ACYP2: variants seen among roughly 807,000 people sequenced by gnomAD.
The protein encoded by ACYP2 is acylphosphatase-2.
In ACYP2, 12 loss-of-function variants were observed where a neutral mutation model predicts 11.2. The ratio of observed to expected loss-of-function variants is 1.08; its 90% CI spans 0.69 to 1.74. The LOEUF (loss-of-function observed/expected upper bound fraction) is 1.74. Among genes scored for constraint, ACYP2 ranks in the 40% most tolerant of loss-of-function variants. ACYP2 has a pLI of 0.00. For missense variants in ACYP2, 134 were observed against 101.9 expected (o/e 1.31, Z -1.35); for synonymous variants, 43 against 32.2 (o/e 1.33, Z -1.13).
chr2:54,262,530 T>C (rs993715739), intron 6 of ACYP2, among the ~76,000 whole-genome samples: 7 of 152,158 alleles, frequency 4.6e-5, no homozygotes, highest in African/African-American at 1.2e-4. Context: ...TCATGGAAAA[T>C]TGAAAATGAA....
chr2:54,196,003 G>C (rs2103896642), intron 6 of ACYP2, among the ~76,000 whole-genome samples: 1 of 151,828 alleles, frequency 6.6e-6, no homozygotes, highest in East Asian at 1.9e-4. Context: ...TCAACATGTT[G>C]GTCAGGCTGG....
At chr2:54,017,005 G>A (rs555690758) in intron 2 of ACYP2, among the ~76,000 whole-genome samples, 2 of 149,616 alleles carry the variant, frequency 1.3e-5, no homozygotes, top group South Asian at 4.2e-4. Flanking sequence ...GATTACAGGC[G>A]TGAGCCTCCG....
chr2:54,285,205 C>T (rs1241089308), intron 6 of ACYP2, among the ~76,000 whole-genome samples: 1 of 152,140 alleles, frequency 6.6e-6, no homozygotes, highest in Non-Finnish European at 1.5e-5. Flanking sequence ...CTCACAAAGG[C>T]CCTATCTCTT....
chr2:54,058,015 G>A (rs965512107), intron 4 of ACYP2, among the ~76,000 whole-genome samples: 3 of 152,162 alleles, frequency 2.0e-5, no homozygotes, highest in Non-Finnish European at 2.9e-5. Context: ...TAGAAAATAG[G>A]AGAAAATATT....
At position 54,115,629 on chromosome 2, in the gene ACYP2, T is replaced by C. The variant is rs1161123980; in HGVS notation, c.278-19824T>C. On this transcript the variant is annotated intron_variant, in intron 4 of 6. Transcript: ENST00000607452. ...CAAGCAGTCCCATGTGTCCCCTCCC[T>C]CTCGCAGCCGCCGCAGTCGCTGCGC... 7.0e-6 allele frequency: 11 copies of C among 1,571,012 alleles called. No individual in the cohort carries two copies. In the South Asian group the frequency reaches 1.2e-4, roughly 17 times the overall value.
rs540468818 is a variant in ACYP2 at position 54,087,694 on chromosome 2, G to GC, written c.277+30339dup. On this transcript the variant is annotated intron_variant, in intron 4 of 6. Transcript: ENST00000607452. ...TGCTATTATCTCCTTCTTCATTATT[G>GC]CCCCCAACTTTTCCTTAAAAGTATT... is the stretch of plus-strand genomic sequence containing the variant. Among the ~76,000 whole-genome samples the GC allele has an allele frequency of 1.2e-4, 19 of 152,112 alleles. 1 individual carries two copies. In the South Asian group the frequency reaches 3.9e-3, roughly 32 times the overall value.
At chr2:54,276,667 C>G (rs1192771049) in intron 6 of ACYP2, among the ~76,000 whole-genome samples, 1 of 147,034 alleles carries the variant, frequency 6.8e-6, no homozygotes, top group African/African-American at 2.5e-5. Flanking sequence ...ACACACCACA[C>G]ACAAGAAAAA....
At chr2:54,209,234 GCTTAT>G (rs1415280314) in intron 6 of ACYP2, among the ~76,000 whole-genome samples, 3 of 152,068 alleles carry the variant, frequency 2.0e-5, no homozygotes, top group Admixed American at 2.0e-4. Flanking sequence ...TTAATGTACT[GCTTAT>G]CTTAATTCCA....
chr2:54,254,828 A>G, intron 6 of ACYP2: 1 of 1,314,178 alleles, frequency 7.6e-7, no homozygotes, highest in Non-Finnish European at 1.0e-6. Context: ...GAACAAAAAA[A>G]GTAAAGGGCA....
intron 4 of ACYP2, among the ~76,000 whole-genome samples, chr2:54,124,030 TTAAA>T (rs903463448): frequency 2.0e-5 from 3 of 152,218 alleles, no homozygotes; most frequent in Admixed American, 1.3e-4. Context: ...CGTTCATATA[TTAAA>T]TACACTTCTA....
At chr2:54,213,380 G>A (rs1685411775) in intron 6 of ACYP2, among the ~76,000 whole-genome samples, 3 of 151,966 alleles carry the variant, frequency 2.0e-5, no homozygotes, top group Non-Finnish European at 4.4e-5. Context: ...TTGCTCTTAT[G>A]AATAGTACTG....
At position 54,288,336 on chromosome 2, in the gene ACYP2, T is replaced by G. The variant is rs189407995; in HGVS notation, c.405-16352T>G. Among the ~76,000 whole-genome samples the G allele has an allele frequency of 1.5e-3, 225 of 152,078 alleles. 5 individuals are homozygous for G. The highest frequency in any genetic ancestry group is 4.4e-3 in the African/African-American group (180 of 41,354). Reference sequence around the variant, plus strand: ...AAAAGAAAACTATAGCCTCATTAACTTGTCTGAGGTAGTGATTTGTTAAGT... The same window carrying G: ...AAAAGAAAACTATAGCCTCATTAACGTGTCTGAGGTAGTGATTTGTTAAGT... On this transcript the variant is annotated intron_variant, in intron 6 of 6. Transcript: ENST00000607452.
At chr2:54,120,227 G>A (rs1314333429) in intron 4 of ACYP2, among the ~76,000 whole-genome samples, 4 of 151,976 alleles carry the variant, frequency 2.6e-5, no homozygotes, top group African/African-American at 7.3e-5. Flanking sequence ...GGAGCTCCAC[G>A]TTTTTTCCCC....
At chr2:53,992,351 A>C (rs912896083) in intron 2 of ACYP2, among the ~76,000 whole-genome samples, 1 of 152,142 alleles carries the variant, frequency 6.6e-6, no homozygotes, top group Admixed American at 6.6e-5. Context: ...AATCAGGAAA[A>C]TGATATAAAT....
intron 4 of ACYP2, among the ~76,000 whole-genome samples, chr2:54,101,788 A>C (rs1003934878): frequency 6.6e-6 from 1 of 151,932 alleles, no homozygotes; most frequent in African/African-American, 2.4e-5. Context: ...GTCTTAGAGC[A>C]GTTTTAGCTT....
intron 5 of ACYP2, among the ~76,000 whole-genome samples, chr2:54,138,170 A>C (rs1488047749): frequency 6.6e-6 from 1 of 152,082 alleles, no homozygotes; most frequent in Non-Finnish European, 1.5e-5. Context: ...TTTTTGCTGG[A>C]AATTTCGAAG....
At chr2:53,985,947 C>A (rs1421474731) in intron 2 of ACYP2, among the ~76,000 whole-genome samples, 1 of 151,950 alleles carries the variant, frequency 6.6e-6, no homozygotes, top group Non-Finnish European at 1.5e-5. Context: ...ACCAGCCTGG[C>A]CAACATGGTG....
chr2:54,275,868 A>C (rs2104098725), intron 6 of ACYP2, among the ~76,000 whole-genome samples: 1 of 152,288 alleles, frequency 6.6e-6, no homozygotes, highest in East Asian at 1.9e-4. Flanking sequence ...TGGAATTTCT[A>C]ATTAGTTAAT....
At chr2:54,243,052 T>G (rs935174911) in intron 6 of ACYP2, among the ~76,000 whole-genome samples, 4 of 152,234 alleles carry the variant, frequency 2.6e-5, no homozygotes, top group Non-Finnish European at 5.9e-5. Context: ...TAAAGTGCTC[T>G]CTATATCAGG....
Sources: gnomAD v4.1 joint callset for allele counts (sites outside exome capture counted in the v4.1 genomes callset) on GRCh38, gnomAD v4.1.1 for gene constraint, MANE v1.5 for transcripts, NCBI Gene and HGNC (gene_info 2026-07-23, HGNC 2026-07-21) for gene names.